Variants in CLASP1 observed in about 807,000 individuals in gnomAD.
The protein encoded by CLASP1 is cytoplasmic linker associated protein 1.
Under a neutral mutation model 192.3 loss-of-function variants are expected in CLASP1, and 38 were observed. The observed-to-expected ratio is 0.20, with a 90% confidence interval of 0.15 to 0.26. The LOEUF is 0.26. Ranked by LOEUF, CLASP1 falls within the 10% of genes least tolerant of loss-of-function variation. CLASP1 has a pLI of 1.00. For synonymous variants in CLASP1, 691 were observed against 712.8 expected (o/e 0.97, Z 0.49); for missense variants, 1,433 against 1,932.5 (o/e 0.74, Z 4.85).
At chr2:121,425,203 C>T in exon 22 of CLASP1, 1 of 1,613,338 alleles carries the variant, frequency 6.2e-7, no homozygotes, top group Non-Finnish European at 8.5e-7. Context: ...TCTTGCTTCG[C>T]TTTTCTGAAG....
Position 121,599,481 on chromosome 2 carries a change from G to A in CLASP1, c.195+6220C>T, listed in dbSNP as rs373170929. ...TGCATGCCTGTAGTCCCAGCTACTC[G>A]GGAGGCTGAGGCAGAAGAATCACTT... On this transcript the variant is annotated intron_variant, in intron 2 of 39. Transcript: ENST00000263710. Among the ~76,000 whole-genome samples the A allele has an allele frequency of 3.7e-4, 55 of 150,116 alleles. No individual in the cohort carries two copies. The East Asian group carries it at 5.8e-3, about 16-fold the overall frequency.
In CLASP1 at chr2:121,622,567, C is replaced by CAA. The variant is rs60748257; in HGVS notation, c.-285-16389_-285-16388dup. ...GTGGGCGACGAGTGAGACCCTGTCTCAAAAAAAAAAAAAAGAATCTAAGTT... is the reference window on the plus strand; with the variant it reads ...GTGGGCGACGAGTGAGACCCTGTCTCAAAAAAAAAAAAAAAAGAATCTAAGTT... On this transcript the variant is annotated intron_variant, in intron 1 of 39. Transcript: ENST00000263710. 2.2e-3 allele frequency among the ~76,000 whole-genome samples: 300 copies of CAA among 134,072 alleles called. 3 individuals are homozygous for CAA. Among genetic ancestry groups the CAA allele is most frequent in the South Asian group, 9.6e-3 (41 of 4,288 alleles). The allele number at this position is 134,072 out of a possible 152,430, so 88.0% of individuals were successfully genotyped here.
intron 2 of CLASP1, among the ~76,000 whole-genome samples, chr2:121,584,016 G>T (rs746945847): frequency 1.1e-4 from 17 of 152,066 alleles, no homozygotes; most frequent in Non-Finnish European, 1.6e-4. Flanking sequence ...CAGCAACAAG[G>T]TATCATCCTG....
chr2:121,490,105 T>C (rs1288148282), intron 8 of CLASP1, among the ~76,000 whole-genome samples: 1 of 152,234 alleles, frequency 6.6e-6, no homozygotes, highest in Non-Finnish European at 1.5e-5. Context: ...TATTTCCCTG[T>C]AGGTTTCACA....
chr2:121,493,761 T>C (rs1363740637), intron 8 of CLASP1, among the ~76,000 whole-genome samples: 1 of 151,230 alleles, frequency 6.6e-6, no homozygotes, highest in Non-Finnish European at 1.5e-5. Context: ...AAAAATCAAA[T>C]AATTCAATTT....
intron 34 of CLASP1, among the ~76,000 whole-genome samples, chr2:121,375,003 A>T (rs1212302679): frequency 6.6e-6 from 1 of 152,040 alleles, no homozygotes; most frequent in Non-Finnish European, 1.5e-5. Context: ...AGGTGATGAG[A>T]TATGGGAGGG....
intron 8 of CLASP1, among the ~76,000 whole-genome samples, chr2:121,491,691 A>G (rs148035919): frequency 6.6e-6 from 1 of 152,370 alleles, no homozygotes; most frequent in East Asian, 1.9e-4. Flanking sequence ...TTTAACTCTC[A>G]TATTCTCACC....
chr2:121,400,953 C>T (rs911557657), intron 28 of CLASP1, among the ~76,000 whole-genome samples: 2 of 152,196 alleles, frequency 1.3e-5, no homozygotes, highest in African/African-American at 4.8e-5. Flanking sequence ...AATAGAGAAG[C>T]GGTTTCTGAA....
At chr2:121,463,808 G>T (rs927270866) in intron 9 of CLASP1, among the ~76,000 whole-genome samples, 2 of 152,124 alleles carry the variant, frequency 1.3e-5, no homozygotes, top group African/African-American at 4.8e-5. Context: ...CGCGAGATGG[G>T]AAGGAAAGCA....
chr2:121,379,626 A>G (rs2071150122), intron 33 of CLASP1, among the ~76,000 whole-genome samples: 1 of 152,236 alleles, frequency 6.6e-6, no homozygotes, highest in Admixed American at 6.5e-5. Flanking sequence ...CAAAAATAAC[A>G]GCATAGCCCA....
chr2:121,467,847 G>A (rs1035681867), intron 9 of CLASP1, among the ~76,000 whole-genome samples: 1 of 152,106 alleles, frequency 6.6e-6, no homozygotes, highest in Non-Finnish European at 1.5e-5. Context: ...TGGTGTCTTC[G>A]TCATGAAATC....
intron 38 of CLASP1, among the ~76,000 whole-genome samples, chr2:121,347,986 G>C (rs1373169192): frequency 2.3e-5 from 3 of 129,240 alleles, no homozygotes; most frequent in Admixed American, 2.0e-4. Flanking sequence ...CTACTGTCAT[G>C]TAGCCCATGG....
chr2:121,458,804 C>T (rs2087238111), intron 13 of CLASP1, 36 bp downstream of exon 13: 2 of 1,488,078 alleles, frequency 1.3e-6, no homozygotes, highest in Non-Finnish European at 1.8e-6. Context: ...GTATTTACCA[C>T]TTGCTTATTT....
intron 33 of CLASP1, 38 bp downstream of exon 34, chr2:121,382,170 T>C: frequency 6.7e-7 from 1 of 1,493,148 alleles, no homozygotes; most frequent in Non-Finnish European, 9.2e-7. Context: ...GCAATAATAT[T>C]GTGACACCTC....
chr2:121,644,961 A>C (rs1270921740), intron 1 of CLASP1, among the ~76,000 whole-genome samples: 1 of 151,458 alleles, frequency 6.6e-6, no homozygotes, highest in East Asian at 1.9e-4. Context: ...GTCTCAAAAA[A>C]AAAACAAAAA....
chr2:121,537,052 T>A (rs1383535644), intron 2 of CLASP1, among the ~76,000 whole-genome samples: 2 of 152,190 alleles, frequency 1.3e-5, no homozygotes, highest in African/African-American at 4.8e-5. Flanking sequence ...GTGATGGTTG[T>A]ATAACTCTGT....
At chr2:121,418,767 A>C (rs1437238743) in intron 22 of CLASP1, 38 bp from the exon 23 acceptor site, 1 of 1,348,270 alleles carries the variant, frequency 7.4e-7, no homozygotes, top group East Asian at 2.3e-5. Context: ...GAAGGTGAAC[A>C]AGTTTAATGA....
chr2:121,343,986 G>T (rs1398395329), intron 39 of CLASP1, among the ~76,000 whole-genome samples: 1 of 152,044 alleles, frequency 6.6e-6, no homozygotes, highest in Non-Finnish European at 1.5e-5. Flanking sequence ...CAGGACAATC[G>T]TTTGAACCTG....
At chr2:121,648,450 C>CCAGCTGCAAACT (rs879672367) in intron 1 of CLASP1, among the ~76,000 whole-genome samples, 1 of 152,148 alleles carries the variant, frequency 6.6e-6, no homozygotes, top group African/African-American at 2.4e-5. Context: ...AGAAACTCAC[C>CCAGCTGCAAACT]CAGCTGCAAA....
Sources: allele counts gnomAD v4.1 joint callset (sites outside exome capture counted in the v4.1 genomes callset), GRCh38; gene constraint gnomAD v4.1.1; transcripts MANE v1.5; gene names NCBI Gene and HGNC (gene_info 2026-07-23, HGNC 2026-07-21).